Variants in IL17RB observed in about 807,000 individuals in gnomAD.
The protein encoded by IL17RB is interleukin-17 receptor B.
In IL17RB, 36 loss-of-function variants were observed where a neutral mutation model predicts 43.9. The observed-to-expected ratio is 0.82, with a 90% CI of 0.63 to 1.08. The LOEUF is 1.08. Ranked by LOEUF, IL17RB falls within the 50% of genes least tolerant of loss-of-function variation. The pLI is 0.00. For missense variants in IL17RB, 613 were observed against 613.6 expected, an observed-to-expected ratio of 1.00 and a Z score of 0.01; for synonymous variants, 225 against 225.4, an observed-to-expected ratio of 1.00 and a Z score of 0.02.
At position 53,856,965 on chromosome 3, in the gene IL17RB, C is replaced by A. The variant is rs761465060; in HGVS notation, c.651C>A (p.Ile217=). The change falls in exon 7 of 11, where the codon ATC becomes ATA. Residue 217 remains isoleucine, a synonymous_variant. Coordinates refer to ENST00000288167, the MANE Select transcript of IL17RB (RefSeq NM_018725.4). ...YMALIQHSTI[I]GFSQVFEPHQ... ...CTCTTATCCAACACAGCACTATCAT[C>A]GGGTTTTCTCAGGTGTTTGAGGTAC... The A allele has an allele frequency of 1.9e-6, 3 of 1,614,066 alleles. No homozygotes were observed. Among genetic ancestry groups the A allele is most frequent in the Non-Finnish European group, 8.5e-7 (1 of 1,180,008 alleles).
Position 53,858,432 on chromosome 3 carries a change from C to T in IL17RB, c.748-287C>T, listed in dbSNP as rs1368351010. On this transcript the variant is annotated intron_variant, in intron 8 of 10. Transcript: ENST00000288167. ...TTTTTCTAGAGGAAATGTTTGTCTA[C>T]GTGGTAAGATATGACCTAGCCCTTT... The T allele has an allele frequency of 1.0e-5, 12 of 1,168,788 alleles. No homozygotes were observed. In the East Asian group the frequency reaches 1.9e-4, roughly 18 times the overall value. The allele number at this position is 1,168,788 out of a possible 1,614,324, so 72.4% of individuals were successfully genotyped here.
rs754328304 is a variant in IL17RB at position 53,852,131 on chromosome 3, G to A, written c.354+5G>A. Reference sequence around the variant, plus strand: ...ACCAGACCCTCTGGTGGTAAAGTAAGCACTTTTTTGTTTTTTGTTTTGTTT... The same window carrying A: ...ACCAGACCCTCTGGTGGTAAAGTAAACACTTTTTTGTTTTTTGTTTTGTTT... On this transcript the variant is annotated splice_donor_5th_base_variant and intron_variant, in intron 4 of 10. Transcript: ENST00000288167. The A allele has an allele frequency of 6.2e-7, 1 of 1,613,496 alleles. No individual in the cohort carries two copies.
chr3:53,857,111 T>A (rs1699365561), intron 7 of IL17RB, 125 bp downstream of exon 7: 1 of 965,630 alleles, frequency 1.0e-6, no homozygotes, highest in Non-Finnish European at 1.6e-6. Context: ...TAAAAACAAG[T>A]CCCTGTGGGC....
rs754664754 is a variant in IL17RB, at chr3:53,865,371, G to A, written c.*63G>A. The A allele has an allele frequency of 8.4e-6, 11 of 1,310,680 alleles. No individual in the cohort carries two copies. The highest frequency in any genetic ancestry group is 1.4e-5 in the South Asian group (1 of 71,726). 81.2% of individuals were successfully genotyped at this position (1,310,680 alleles called of 1,614,324 possible). On this transcript the variant is annotated 3_prime_UTR_variant, in exon 11 of 11. Coordinates refer to ENST00000288167, the MANE Select transcript of IL17RB (RefSeq NM_018725.4). ...ATCCCACCAATTACAGGGAAAAAAC[G>A]TGTGATGATCCTGAAGCTTACTATG... is the stretch of plus-strand genomic sequence containing the variant.
intron 10 of IL17RB, among the ~76,000 whole-genome samples, chr3:53,862,544 G>T (rs1699602362): frequency 6.6e-6 from 1 of 152,192 alleles, no homozygotes; most frequent in Non-Finnish European, 1.5e-5. Flanking sequence ...AAAAAGGTGG[G>T]GGGTGAAGGG....
chr3:53,857,582 G>C, intron 7 of IL17RB, 34 bp from the exon 8 acceptor site: 1 of 1,598,350 alleles, frequency 6.3e-7, no homozygotes, highest in Non-Finnish European at 8.6e-7. Context: ...AGTGCACCTG[G>C]CACCTCATAA....
intron 3 of IL17RB, among the ~76,000 whole-genome samples, chr3:53,851,567 A>G (rs548989368): frequency 6.6e-6 from 1 of 152,212 alleles, no homozygotes; most frequent in Non-Finnish European, 1.5e-5. Flanking sequence ...AGGGAGAAGA[A>G]TCAGCATGGA....
Position 53,858,747 on chromosome 3 carries a change from G to A in IL17RB, c.776G>A (p.Ser259Asn). 2 of 1,614,116 alleles carry A rather than the reference G, an allele frequency of 1.2e-6. No homozygotes were observed. The highest frequency in any genetic ancestry group is 8.5e-7 in the Non-Finnish European group (1 of 1,180,016). The change falls in exon 9 of 11, where the codon AGC becomes AAC. Residue 259 changes from serine (S) to asparagine (N), a missense_variant. Coordinates refer to ENST00000288167, the MANE Select transcript of IL17RB (RefSeq NM_018725.4). ...ACTCCATATTTTCCTACTTGTGGCA[G>A]CGACTGCATCCGACATAAAGGAACA... ...QLTPYFPTCG[S>N]DCIRHKGTVV...
At chr3:53,858,522 G>C (rs1422241173) in intron 8 of IL17RB, 197 bp from the exon 9 acceptor site, 2 of 1,419,632 alleles carry the variant, frequency 1.4e-6, no homozygotes, top group East Asian at 5.1e-5. Context: ...GGGAGTCTTG[G>C]GCACGTGGGT....
intron 8 of IL17RB, chr3:53,858,384 C>A (rs971716327): frequency 4.6e-6 from 5 of 1,079,212 alleles, no homozygotes; most frequent in Non-Finnish European, 5.6e-6. Context: ...CTGAAGGAAG[C>A]CAAGAGGATC....
intron 10 of IL17RB, 88 bp from the exon 11 acceptor site, chr3:53,864,658 G>A: frequency 1.0e-6 from 1 of 1,002,860 alleles, no homozygotes; most frequent in Non-Finnish European, 1.5e-6. Context: ...ACATTCTCTA[G>A]CAAGGGATCA....
In IL17RB at chr3:53,852,057, G is replaced by T. The variant is rs762910494; in HGVS notation, c.285G>T (p.Gln95His). 1.9e-6 allele frequency: 3 copies of T among 1,614,178 alleles called. No homozygotes were observed. In the South Asian group the frequency reaches 3.3e-5, roughly 18 times the overall value. The change falls in exon 4 of 11, where the codon CAG becomes CAT. Residue 95 changes from glutamine (Q) to histidine (H), a missense_variant. Transcript: ENST00000288167. The stretch of plus-strand genomic sequence containing the variant: ...GTGTGACGGGCAAAAGCAACTTCCA[G>T]TCCTACAGCTGTGTGAGGTGCAATT... ...KICVTGKSNF[Q>H]SYSCVRCNYT...
In IL17RB at chr3:53,847,465, T is replaced by C. The variant is rs534900431; in HGVS notation, c.60+817T>C. Reference sequence around the variant, plus strand: ...GGCCGTTTGATAAGAACTCAGCTCCTGGTATGATGGCTCATTTGTTAAAAA... The same window carrying C: ...GGCCGTTTGATAAGAACTCAGCTCCCGGTATGATGGCTCATTTGTTAAAAA... On this transcript the variant is annotated intron_variant, in intron 1 of 10. Transcript: ENST00000288167. Among the ~76,000 whole-genome samples the C allele has an allele frequency of 9.5e-3, 1,410 of 148,706 alleles. 24 individuals carry two copies. The highest frequency in any genetic ancestry group is 0.015 in the Non-Finnish European group (989 of 67,564).
In IL17RB at chr3:53,858,817, C is replaced by G. The variant is rs1307511456; in HGVS notation, c.846C>G (p.Asn282Lys). ...CAGGCGTCCCTTTCCCTCTGGATAA[C>G]AGTAAGTGCCCAGTAACTTCAACCA... ...PQTGVPFPLD[N>K]NKSKPGGWLP... Residue 282 changes from asparagine to lysine, a missense_variant and splice_region_variant, in exon 9 of 11, where the codon AAC becomes AAG. Physicochemically the swap from Asn to Lys is moderately conservative, Grantham distance 94. Coordinates refer to ENST00000288167, the MANE Select transcript of IL17RB (RefSeq NM_018725.4). 1.2e-6 allele frequency: 2 copies of G among 1,611,534 alleles called. No homozygotes were observed.
chr3:53,853,068 G>A (rs1289976652), intron 5 of IL17RB, 71 bp downstream of exon 5: 1 of 1,584,554 alleles, frequency 6.3e-7, no homozygotes, highest in Non-Finnish European at 8.6e-7. Context: ...CACAGAGAGA[G>A]CCCAGGGAAC....
intron 3 of IL17RB, among the ~76,000 whole-genome samples, chr3:53,851,612 T>C (rs1277190201): frequency 6.6e-6 from 1 of 152,178 alleles, no homozygotes; most frequent in Non-Finnish European, 1.5e-5. Flanking sequence ...GGTTTGGTGA[T>C]GACAGTCTTG....
In IL17RB at chr3:53,857,679, G is replaced by A; in HGVS notation, c.736G>A (p.Ala246Thr). The A allele has an allele frequency of 1.2e-6, 2 of 1,614,048 alleles. No homozygotes were observed. Among genetic ancestry groups the A allele is most frequent in the South Asian group, 2.2e-5 (2 of 91,078 alleles). Residue 246 changes from alanine (A) to threonine (T), a missense_variant, in exon 8 of 11, where the codon GCT becomes ACT. Coordinates refer to ENST00000288167, the MANE Select transcript of IL17RB (RefSeq NM_018725.4). ...VIPVTGDSEG[A>T]TVQLTPYFPT... The stretch of plus-strand genomic sequence containing the variant: ...TCCAGTGACTGGGGATAGTGAAGGT[G>A]CTACGGTGCAGGTAAAGTTCAGTGA...
intron 8 of IL17RB, chr3:53,858,002 A>G (rs972609924): frequency 2.1e-5 from 7 of 327,738 alleles, no homozygotes; most frequent in Non-Finnish European, 4.1e-5. Flanking sequence ...TAACTGCAAG[A>G]TGAAGCTGCA....
intron 1 of IL17RB, 150 bp downstream of exon 1, chr3:53,846,798 A>G (rs1698920523): frequency 2.5e-6 from 2 of 795,408 alleles, no homozygotes; most frequent in South Asian, 1.9e-5. Context: ...AGCCCCGGAC[A>G]TCGGCGTCAG....
Sources: gnomAD v4.1 joint callset for allele counts (sites outside exome capture counted in the v4.1 genomes callset) on GRCh38, gnomAD v4.1.1 for gene constraint, MANE v1.5 for transcripts, NCBI Gene and HGNC (gene_info 2026-07-23, HGNC 2026-07-21) for gene names.